The following NHSL1 variants were observed in gnomAD, a reference collection of about 807,000 sequenced individuals.
The protein encoded by NHSL1 is NHS-like protein 1.
In NHSL1, 48 loss-of-function variants were observed where a neutral mutation model predicts 95.0. That is an observed-to-expected ratio of 0.51 (90% CI 0.40 to 0.64). The LOEUF is 0.64. NHSL1 is among the 30% of genes least tolerant of loss of function. NHSL1 has a pLI of 0.00. For synonymous variants in NHSL1, 783 were observed against 833.9 expected (o/e 0.94, Z 1.05); for missense variants, 1,971 against 2,077.7 (o/e 0.95, Z 1.00).
intron 1 of NHSL1, among the ~76,000 whole-genome samples, chr6:138,657,329 T>A (rs1006642739): frequency 2.0e-5 from 3 of 152,286 alleles, no homozygotes; most frequent in Admixed American, 2.0e-4. Flanking sequence ...TGATCAAACA[T>A]GAAAACATTT....
chr6:138,493,680 C>T (rs535046051), intron 2 of NHSL1, among the ~76,000 whole-genome samples: 45 of 152,314 alleles, frequency 3.0e-4, no homozygotes, highest in African/African-American at 9.6e-4. Flanking sequence ...GTCCTGGGAA[C>T]GGTGCCATTT....
intron 1 of NHSL1, among the ~76,000 whole-genome samples, chr6:138,598,327 G>C (rs1006535471): frequency 6.6e-6 from 1 of 151,994 alleles, no homozygotes; most frequent in Non-Finnish European, 1.5e-5. Context: ...GCATGGTGGT[G>C]GTCACCTGTA....
chr6:138,575,085 G>A (rs1783947510), upstream of NHSL1, among the ~76,000 whole-genome samples: 1 of 152,054 alleles, frequency 6.6e-6, no homozygotes, highest in Non-Finnish European at 1.5e-5. Flanking sequence ...TTTTAGTAGA[G>A]ACGGGGTTTC....
intron 2 of NHSL1, among the ~76,000 whole-genome samples, chr6:138,487,134 T>A (rs1779778330): frequency 1.3e-5 from 2 of 151,346 alleles, no homozygotes; most frequent in Non-Finnish European, 2.9e-5. Context: ...GTAAAAAAAA[T>A]TGGGTGGAGG....
intron 1 of NHSL1, among the ~76,000 whole-genome samples, chr6:138,663,650 A>G (rs1376672368): frequency 6.6e-6 from 1 of 151,846 alleles, no homozygotes; most frequent in African/African-American, 2.4e-5. Context: ...CGGGTGGATC[A>G]TCTGAGATCA....
At chr6:138,676,844 G>A (rs1034095215) in intron 1 of NHSL1, among the ~76,000 whole-genome samples, 5 of 152,114 alleles carry the variant, frequency 3.3e-5, no homozygotes, top group African/African-American at 4.8e-5. Context: ...TAGTAGAGAC[G>A]AGGTTTCACT....
intron 1 of NHSL1, among the ~76,000 whole-genome samples, chr6:138,525,913 A>G (rs1007581446): frequency 9.2e-5 from 14 of 151,760 alleles, no homozygotes; most frequent in Non-Finnish European, 1.0e-4. Flanking sequence ...CCTGGCCAAC[A>G]TGGTGAAACC....
intron 1 of NHSL1, among the ~76,000 whole-genome samples, chr6:138,563,427 T>C (rs1783487142): frequency 6.6e-6 from 1 of 152,160 alleles, no homozygotes; most frequent in South Asian, 2.1e-4. Flanking sequence ...GTTGCCTAGG[T>C]TATACAAGCA....
chr6:138,572,008 T>C, exon 1 of NHSL1: 2 of 953,212 alleles, frequency 2.1e-6, no homozygotes, highest in South Asian at 3.3e-5. Context: ...GCCTGCTGTT[T>C]CCCTCTTAGA....
chr6:138,635,564 A>G (rs1784876421), intron 1 of NHSL1, among the ~76,000 whole-genome samples: 2 of 152,164 alleles, frequency 1.3e-5, no homozygotes, highest in African/African-American at 2.4e-5. Flanking sequence ...CCAAGACCCA[A>G]TGGTTTAACT....
chr6:138,447,154 T>G lies in NHSL1; in HGVS notation c.379A>C (p.Ile127Leu). 1 of 1,551,614 alleles carries G rather than the reference T, an allele frequency of 6.4e-7. No individual in the cohort carries two copies. Among genetic ancestry groups the G allele is most frequent in the East Asian group, 2.4e-5 (1 of 40,928 alleles). The change falls in exon 4 of 8, where the codon ATC (isoleucine) becomes CTC (leucine). Residue 127 changes from isoleucine to leucine, a missense_variant. By Grantham distance (5) the Ile-to-Leu change is conservative (BLOSUM62 2). Coordinates refer to ENST00000343505, the MANE Select transcript of NHSL1 (RefSeq NM_001144060.2). Reference protein sequence around the residue: ...SSSEEERFISIRRPKTPASSD... With the variant: ...SSSEEERFISLRRPKTPASSD... ...GAGGCTGGTGTTTTAGGTCTCCTGA[T>G]GGAAATAAATCTTTCTTCTTCTGAT...
chr6:138,678,744 T>C (rs1785478054), intron 1 of NHSL1, among the ~76,000 whole-genome samples: 1 of 152,186 alleles, frequency 6.6e-6, no homozygotes, highest in Non-Finnish European at 1.5e-5. Context: ...GGAGGGTTGG[T>C]AATGTTCCTC....
chr6:138,551,033 C>G (rs1056706952), intron 1 of NHSL1, among the ~76,000 whole-genome samples: 1 of 152,110 alleles, frequency 6.6e-6, no homozygotes, highest in Non-Finnish European at 1.5e-5. Context: ...AATATTAAAA[C>G]AGAGAGAGAT....
At position 138,511,412 on chromosome 6, in the gene NHSL1, A is replaced by ATG. The variant is rs775957774; in HGVS notation, c.17-15043_17-15042dup. Among the ~76,000 whole-genome samples, 27 of 149,102 alleles carry ATG rather than the reference A, an allele frequency of 1.8e-4. 1 individual carries two copies. The highest frequency in any genetic ancestry group is 6.7e-4 in the Admixed American group (10 of 14,970). On this transcript the variant is annotated intron_variant, in intron 1 of 4. Coordinates refer to the NHSL1 transcript ENST00000342260. ...AGAGAGAGAGAGAGTGTGTGTGTGT[A>ATG]TGTGTGTGTGTGAGAGAGAGTGTGT... is the stretch of plus-strand genomic sequence containing the variant.
At chr6:138,527,075 A>G (rs956324104) in intron 1 of NHSL1, among the ~76,000 whole-genome samples, 17 of 152,282 alleles carry the variant, frequency 1.1e-4, no homozygotes, top group Non-Finnish European at 1.9e-4. Flanking sequence ...CGTTTAAACA[A>G]GAAAGCAAAC....
At chr6:138,450,913 G>A (rs1777191286) in intron 3 of NHSL1, among the ~76,000 whole-genome samples, 1 of 152,148 alleles carries the variant, frequency 6.6e-6, no homozygotes, top group South Asian at 2.1e-4. Flanking sequence ...AGCCCATTAA[G>A]ATGGACATAG....
At chr6:138,497,378 C>G (rs908919562) in intron 1 of NHSL1, among the ~76,000 whole-genome samples, 3 of 152,136 alleles carry the variant, frequency 2.0e-5, no homozygotes, top group Non-Finnish European at 4.4e-5. Flanking sequence ...GCAAGTCTAA[C>G]CCCTGTAAAG....
At chr6:138,606,996 G>A (rs569861911) in intron 1 of NHSL1, among the ~76,000 whole-genome samples, 32 of 152,162 alleles carry the variant, frequency 2.1e-4, no homozygotes, top group East Asian at 7.7e-4. Flanking sequence ...GAGCCTCCAC[G>A]CCCGGCCCCC....
chr6:138,623,365 T>C (rs1784691941), intron 1 of NHSL1, among the ~76,000 whole-genome samples: 1 of 152,234 alleles, frequency 6.6e-6, no homozygotes, highest in Admixed American at 6.5e-5. Flanking sequence ...CTTATCCCTC[T>C]ACAGTGTCTG....
Sources: allele counts gnomAD v4.1 joint callset (sites outside exome capture counted in the v4.1 genomes callset), GRCh38; gene constraint gnomAD v4.1.1; transcripts MANE v1.5; gene names NCBI Gene and HGNC (gene_info 2026-07-23, HGNC 2026-07-21).